ASPM: variants seen among roughly 807,000 people sequenced by gnomAD.
ASPM encodes abnormal spindle-like microcephaly-associated protein.
Under a neutral mutation model 366.4 loss-of-function variants are expected in ASPM, and 256 were observed. The ratio of observed to expected loss-of-function variants is 0.70; its 90% CI spans 0.63 to 0.77. The LOEUF is 0.77. Ranked by LOEUF, ASPM falls within the 30% of genes least tolerant of loss-of-function variation. The pLI, the probability that ASPM is intolerant of heterozygous loss-of-function variation, is 0.00. For synonymous variants in ASPM, 1,414 were observed against 1,342.9 expected (o/e 1.05, Z -1.16); for missense variants, 4,146 against 4,090.4 (o/e 1.01, Z -0.37).
chr1:197,092,912 T>C, intron 21 of ASPM, 140 bp downstream of exon 21: 1 of 785,044 alleles, frequency 1.3e-6, no homozygotes, highest in African/African-American at 1.8e-5. Flanking sequence ...GTCACTTACC[T>C]TTCTAGCAGC....
chr1:197,105,873 A>G (rs1031159260), intron 17 of ASPM, among the ~76,000 whole-genome samples: 11 of 152,020 alleles, frequency 7.2e-5, no homozygotes, highest in African/African-American at 2.2e-4. Context: ...AAAAAGAGCT[A>G]CAAACTCTCA....
rs200681905 is a variant in ASPM, at chr1:197,104,659, C to T, written c.4592G>A (p.Arg1531His). 53 of 1,612,940 alleles carry T rather than the reference C, an allele frequency of 3.3e-5. No individual in the cohort carries two copies. The highest frequency in any genetic ancestry group is 1.1e-4 in the East Asian group (5 of 44,846). The change falls in exon 18 of 28, where the codon CGC becomes CAC. Residue 1531 changes from arginine (R) to histidine (H), a missense_variant. Arg to His is a conservative substitution (Grantham distance 29, BLOSUM62 0). Transcript: ENST00000367409. The part of the protein sequence containing the change: ...YKAYLKGKIE[R>H]TNYLQKRAAA... ...AGCTCGTTTCTGCAAATAGTTGGTGCGCTCAATCTTTCCTTTCAGATATGC... is the reference window on the plus strand; with the variant it reads ...AGCTCGTTTCTGCAAATAGTTGGTGTGCTCAATCTTTCCTTTCAGATATGC...
At position 197,125,105 on chromosome 1, in the gene ASPM, T is replaced by A; in HGVS notation, c.3023A>T (p.Asn1008Ile). 6.2e-7 allele frequency: 1 copy of A among 1,614,046 alleles called. No homozygotes were observed. The highest frequency in any genetic ancestry group is 8.5e-7 in the Non-Finnish European group (1 of 1,179,928). The change falls in exon 11 of 28, where the codon AAT (asparagine) becomes ATT (isoleucine). Residue 1008 changes from asparagine (N) to isoleucine (I), a missense_variant. This residue lies in a region of ASPM where 3,624 missense variants were observed against 3,591.7 expected (regional missense o/e 1.01). Coordinates refer to ENST00000367409, the MANE Select transcript of ASPM (RefSeq NM_018136.5). ...AAGAACTTGAAGAACAATGTCAACA[T>A]TGTGCATCTTTTGAAGACGACTTAT... ...PAISRLQKMH[N>I]VDIVLQVLKS...
At chr1:197,136,864 A>AT (rs1489075259) in intron 4 of ASPM, among the ~76,000 whole-genome samples, 1 of 151,952 alleles carries the variant, frequency 6.6e-6, no homozygotes, top group Non-Finnish European at 1.5e-5. Flanking sequence ...ACAAACACTA[A>AT]TTTTTTTTAG....
intron 8 of ASPM, 117 bp downstream of exon 8, chr1:197,129,798 G>C: frequency 8.4e-7 from 1 of 1,196,752 alleles, no homozygotes; most frequent in Non-Finnish European, 1.2e-6. Context: ...ACTAGAAGCA[G>C]AGACTTATTT....
At chr1:197,138,028 A>G (rs1020091444) in intron 4 of ASPM, among the ~76,000 whole-genome samples, 24 of 152,200 alleles carry the variant, frequency 1.6e-4, no homozygotes, top group Non-Finnish European at 2.6e-4. Flanking sequence ...CCTATTAATT[A>G]GATTTGTATA....
At chr1:197,106,998 T>C (rs369048212) in intron 17 of ASPM, among the ~76,000 whole-genome samples, 2 of 152,034 alleles carry the variant, frequency 1.3e-5, no homozygotes, top group African/African-American at 2.4e-5. Flanking sequence ...TTTTTCCTCA[T>C]ACAAAAGAGT....
Position 197,143,512 on chromosome 1 carries a change from T to C in ASPM, c.740A>G (p.Tyr247Cys), listed in dbSNP as rs1332313868. Reference sequence around the variant, plus strand: ...ATTTTCTGATGCATGAAGAGATGAGTAGGTAGTAGATCGACGTACAGAGAG... The same window carrying C: ...ATTTTCTGATGCATGAAGAGATGAGCAGGTAGTAGATCGACGTACAGAGAG... ...LPLSVRRSTT[Y>C]SSLHASENRE... The change falls in exon 3 of 28, where the codon TAC becomes TGC. Residue 247 changes from tyrosine to cysteine, a missense_variant. Tyr to Cys is a radical substitution (Grantham distance 194). This residue lies in a region of ASPM where 512 missense variants were observed against 471.7 expected (regional missense o/e 1.09). Coordinates refer to ENST00000367409, the MANE Select transcript of ASPM (RefSeq NM_018136.5). 1 of 1,613,812 alleles carries C rather than the reference T, an allele frequency of 6.2e-7. No homozygotes were observed.
intron 7 of ASPM, among the ~76,000 whole-genome samples, chr1:197,130,998 G>A (rs1442380233): frequency 6.6e-6 from 1 of 152,150 alleles, no homozygotes; most frequent in African/African-American, 2.4e-5. Context: ...CCAAATATGG[G>A]GGGCTCTATT....
At chr1:197,145,211 C>G (rs995103075) in intron 1 of ASPM, among the ~76,000 whole-genome samples, 1 of 152,136 alleles carries the variant, frequency 6.6e-6, no homozygotes, top group Non-Finnish European at 1.5e-5. Flanking sequence ...GGTTTTCATA[C>G]TTTTGGTGAT....
intron 10 of ASPM, 96 bp downstream of exon 10, chr1:197,128,394 C>T: frequency 8.3e-7 from 1 of 1,199,684 alleles, no homozygotes; most frequent in Non-Finnish European, 1.2e-6. Context: ...TATTGTACTA[C>T]TTGAAAGAGC....
chr1:197,104,231 C>G lies in ASPM; in HGVS notation c.5020G>C (p.Glu1674Gln), dbSNP rs1183837754. ...SYYRAYVSKK[E>Q]FLSLKNATIK... ...GTAGCATTTTTTAGGCTCAAAAATT[C>G]CTTTTTAGAAACATAAGCACGATAA... Residue 1674 changes from glutamate (E) to glutamine (Q), a missense_variant, in exon 18 of 28, where the codon GAA becomes CAA. This residue lies in a region of ASPM where 3,624 missense variants were observed against 3,591.7 expected (regional missense o/e 1.01). Coordinates refer to ENST00000367409, the MANE Select transcript of ASPM (RefSeq NM_018136.5). 1 of 1,612,570 alleles carries G rather than the reference C, an allele frequency of 6.2e-7. No homozygotes were observed. Among genetic ancestry groups the G allele is most frequent in the South Asian group, 1.1e-5 (1 of 91,014 alleles).
At chr1:197,092,902 G>T in intron 21 of ASPM, 150 bp downstream of exon 21, 1 of 736,246 alleles carries the variant, frequency 1.4e-6, no homozygotes, top group African/African-American at 1.8e-5. Flanking sequence ...CAGTGCTCTT[G>T]TCACTTACCT....
chr1:197,096,221 A>G (rs1048189460), intron 18 of ASPM, 57 bp from the exon 19 acceptor site: 6 of 1,417,502 alleles, frequency 4.2e-6, no homozygotes, highest in Admixed American at 3.4e-5. Flanking sequence ...TTTTTTGTAA[A>G]TAAGACAAAT....
Position 197,143,161 on chromosome 1 carries a change from T to C in ASPM, c.1091A>G (p.Lys364Arg). The change falls in exon 3 of 28, where the codon AAA becomes AGA. Residue 364 changes from lysine to arginine, a missense_variant. By Grantham distance (26) the Lys-to-Arg change is conservative. Transcript: ENST00000367409. ...ESTIAHEIYQ[K>R]ILSPDSFIKD... The stretch of plus-strand genomic sequence containing the variant: ...TATGAAAGAATCTGGACTTAAAATT[T>C]TCTGATAAATTTCATGTGCAATTGT... 1 of 1,613,562 alleles carries C rather than the reference T, an allele frequency of 6.2e-7. No homozygotes were observed. Among genetic ancestry groups the C allele is most frequent in the Non-Finnish European group, 8.5e-7 (1 of 1,179,636 alleles).
chr1:197,142,574 T>C lies in ASPM; in HGVS notation c.1678A>G (p.Asn560Asp). The change falls in exon 3 of 28, where the codon AAC becomes GAC. Residue 560 changes from asparagine to aspartate, a missense_variant. By Grantham distance (23) the Asn-to-Asp change is conservative. Transcript: ENST00000367409. ...PILSKSKSYK[N>D]EVTPSSTTAS... is the part of the protein sequence containing the mutation. ...GTTGTCGAAGAGGGTGTTACCTCGT[T>C]TTTATAACTCTTAGATTTACTTAAT... The C allele has an allele frequency of 6.2e-7, 1 of 1,613,940 alleles. No homozygotes were observed. The highest frequency in any genetic ancestry group is 8.5e-7 in the Non-Finnish European group (1 of 1,179,802).
chr1:197,134,661 A>G (rs2125110109), intron 5 of ASPM, among the ~76,000 whole-genome samples: 1 of 152,362 alleles, frequency 6.6e-6, no homozygotes, highest in East Asian at 1.9e-4. Flanking sequence ...AATGTTTGAA[A>G]GGCACATCTC....
In ASPM at chr1:197,101,111, C is replaced by G; in HGVS notation, c.8140G>C (p.Ala2714Pro). The change falls in exon 18 of 28, where the codon GCA (alanine) becomes CCA (proline). Residue 2714 changes from alanine (A) to proline (P), a missense_variant. Ala to Pro is a conservative substitution (Grantham distance 27). Transcript: ENST00000367409. ...TAATAATTCTGTATAACCACAATTG[C>G]AGTTTTCTTTGTTTCATAATCAACT... The part of the protein sequence containing the change: ...AKVDYETKKT[A>P]IVVIQNYYRL... 1.2e-6 allele frequency: 2 copies of G among 1,612,004 alleles called. No homozygotes were observed. Among genetic ancestry groups the G allele is most frequent in the Non-Finnish European group, 1.7e-6 (2 of 1,178,896 alleles).
intron 13 of ASPM, among the ~76,000 whole-genome samples, chr1:197,122,888 T>G (rs1657961423): frequency 6.6e-6 from 1 of 152,200 alleles, no homozygotes; most frequent in Non-Finnish European, 1.5e-5. Context: ...TGCTGTAATT[T>G]GCTATGGTAG....
Sources: gnomAD v4.1 joint callset for allele counts (sites outside exome capture counted in the v4.1 genomes callset) on GRCh38, gnomAD v4.1.1 for gene constraint, gnomAD v4.1.1 regional missense constraint, MANE v1.5 for transcripts, NCBI Gene and HGNC (gene_info 2026-07-23, HGNC 2026-07-21) for gene names.